The following ADCK1 variants were observed in gnomAD, a reference collection of about 807,000 sequenced individuals.
The protein encoded by ADCK1 is aarF domain-containing protein kinase 1.
Under a neutral mutation model 52.3 loss-of-function variants are expected in ADCK1, and 41 were observed. The ratio of observed to expected loss-of-function variants is 0.78; its 90% CI spans 0.61 to 1.02. ADCK1 has a LOEUF of 1.02. Among genes scored for constraint, ADCK1 ranks in the 50% least tolerant of loss-of-function variants. The pLI is 0.00. For missense variants in ADCK1, 658 were observed against 679.5 expected (o/e 0.97, Z 0.35); for synonymous variants, 250 against 274.6 (o/e 0.91, Z 0.89).
intron 7 of ADCK1, among the ~76,000 whole-genome samples, chr14:77,916,342 C>T (rs2083923973): frequency 6.6e-6 from 1 of 152,146 alleles, no homozygotes; most frequent in Non-Finnish European, 1.5e-5. Context: ...CCATGCCTCT[C>T]TGTGATGTTC....
intron 3 of ADCK1, among the ~76,000 whole-genome samples, chr14:77,858,666 A>G (rs980083378): frequency 6.6e-6 from 1 of 152,186 alleles, no homozygotes; most frequent in African/African-American, 2.4e-5. Flanking sequence ...AAACGTAGCA[A>G]TCCAAACAAA....
intron 4 of ADCK1, among the ~76,000 whole-genome samples, chr14:77,885,860 A>G (rs767861477): frequency 6.6e-6 from 1 of 152,232 alleles, no homozygotes. Flanking sequence ...AATCTTGGAA[A>G]AGACCTTTAG....
chr14:77,910,385 C>T (rs955220163), intron 7 of ADCK1, among the ~76,000 whole-genome samples: 3 of 152,062 alleles, frequency 2.0e-5, no homozygotes, highest in Non-Finnish European at 2.9e-5. Context: ...GCTGCCTTCA[C>T]TGGTGGCTTC....
intron 4 of ADCK1, 27 bp from the exon 5 acceptor site, chr14:77,887,063 AT>A: frequency 6.6e-7 from 1 of 1,511,344 alleles, no homozygotes; most frequent in Non-Finnish European, 8.9e-7. Flanking sequence ...CATCTTTTTC[AT>A]TGCTCTGTTC....
At chr14:77,832,036 G>A (rs959580175) in intron 3 of ADCK1, among the ~76,000 whole-genome samples, 2 of 151,512 alleles carry the variant, frequency 1.3e-5, no homozygotes, top group African/African-American at 4.9e-5. Context: ...GGAGTGCAGT[G>A]GCATGATCTC....
At position 77,933,288 on chromosome 14, in the gene ADCK1, T is replaced by C. The variant is rs1373713544; in HGVS notation, c.1469T>C (p.Leu490Ser). The C allele has an allele frequency of 1.9e-6, 3 of 1,614,040 alleles. No individual in the cohort carries two copies. Among genetic ancestry groups the C allele is most frequent in the Non-Finnish European group, 2.5e-6 (3 of 1,180,034 alleles). The change falls in exon 11 of 11, where the codon TTA becomes TCA. Residue 490 changes from leucine (L) to serine (S), a missense_variant. Transcript: ENST00000238561. ...ATCTCTTTCAGCGAGGCCTTCAACT[T>C]ATGGCAGATCAACCTCCATGAGCTC... The part of the protein sequence containing the change: ...TQISFSEAFN[L>S]WQINLHELIL...
intron 4 of ADCK1, among the ~76,000 whole-genome samples, chr14:77,875,018 G>A (rs2082867401): frequency 6.6e-6 from 1 of 152,158 alleles, no homozygotes; most frequent in Non-Finnish European, 1.5e-5. Flanking sequence ...GGCAGACAGA[G>A]ACCCTGAAAG....
chr14:77,812,809 C>G (rs937048798), intron 1 of ADCK1, among the ~76,000 whole-genome samples: 1 of 151,212 alleles, frequency 6.6e-6, no homozygotes, highest in Non-Finnish European at 1.5e-5. Flanking sequence ...AGGCTAGTCT[C>G]GAACTCCTGG....
chr14:77,859,311 G>A, intron 4 of ADCK1, 32 bp downstream of exon 4: 4 of 1,595,484 alleles, frequency 2.5e-6, no homozygotes, highest in Non-Finnish European at 3.4e-6. Flanking sequence ...ATGGGCCTTG[G>A]TTGGGATGCT....
intron 9 of ADCK1, 116 bp downstream of exon 9, chr14:77,926,077 G>T: frequency 8.1e-6 from 10 of 1,233,578 alleles, no homozygotes; most frequent in Non-Finnish European, 1.2e-5. Context: ...CTGTGTGTTG[G>T]GGGAGGGGAA....
chr14:77,931,046 A>G (rs1375882809), intron 9 of ADCK1, among the ~76,000 whole-genome samples: 1 of 152,156 alleles, frequency 6.6e-6, no homozygotes, highest in African/African-American at 2.4e-5. Context: ...ATGCGAGGAC[A>G]GTGGTAAGCA....
chr14:77,846,342 A>G (rs2082173405), intron 3 of ADCK1, among the ~76,000 whole-genome samples: 1 of 151,982 alleles, frequency 6.6e-6, no homozygotes, highest in Admixed American at 6.6e-5. Context: ...TCCTCTCCCC[A>G]TCTTAATCCA....
intron 3 of ADCK1, among the ~76,000 whole-genome samples, chr14:77,846,526 T>A (rs567010924): frequency 1.3e-5 from 2 of 152,076 alleles, no homozygotes; most frequent in Non-Finnish European, 2.9e-5. Context: ...TTTCTGGGTG[T>A]CTTGTGATGG....
intron 3 of ADCK1, among the ~76,000 whole-genome samples, chr14:77,830,201 G>A (rs1270802960): frequency 6.6e-6 from 1 of 150,546 alleles, no homozygotes; most frequent in Non-Finnish European, 1.5e-5. Flanking sequence ...GCAGTGGTGC[G>A]ATCTCCGCTC....
chr14:77,819,868 T>C (rs1380945465), intron 2 of ADCK1, among the ~76,000 whole-genome samples: 1 of 152,192 alleles, frequency 6.6e-6, no homozygotes, highest in Non-Finnish European at 1.5e-5. Context: ...CACAGTCTAT[T>C]GTGGTTGTCA....
intron 3 of ADCK1, among the ~76,000 whole-genome samples, chr14:77,842,439 G>A (rs2082086997): frequency 3.2e-5 from 2 of 62,812 alleles, no homozygotes; most frequent in African/African-American, 1.3e-4. Context: ...ATCTTTCAGG[G>A]TATTTTTTTT....
At chr14:77,844,880 A>G (rs951216628) in intron 3 of ADCK1, among the ~76,000 whole-genome samples, 2 of 152,212 alleles carry the variant, frequency 1.3e-5, no homozygotes, top group African/African-American at 4.8e-5. Context: ...TGGTTGTCTG[A>G]GTGCAGGTTG....
chr14:77,818,226 C>T (rs1226417890), intron 1 of ADCK1, among the ~76,000 whole-genome samples: 3 of 152,078 alleles, frequency 2.0e-5, no homozygotes, highest in African/African-American at 7.2e-5. Flanking sequence ...CAATGGTTAA[C>T]CTGCTCTTCT....
At chr14:77,844,018 C>T (rs994230620) in intron 3 of ADCK1, among the ~76,000 whole-genome samples, 1 of 152,058 alleles carries the variant, frequency 6.6e-6, no homozygotes, top group African/African-American at 2.4e-5. Flanking sequence ...TGGAAAGAGA[C>T]AGGTAAAGAA....
Sources: allele counts gnomAD v4.1 joint callset (sites outside exome capture counted in the v4.1 genomes callset), GRCh38; gene constraint gnomAD v4.1.1; transcripts MANE v1.5; gene names NCBI Gene and HGNC (gene_info 2026-07-23, HGNC 2026-07-21).